Variants in PIK3C2A observed in about 807,000 individuals in gnomAD.
The protein encoded by PIK3C2A is phosphatidylinositol-4-phosphate 3-kinase catalytic subunit type 2 alpha.
In PIK3C2A, 97 loss-of-function variants were observed where a neutral mutation model predicts 204.5. The observed-to-expected ratio is 0.47, with a 90% CI of 0.40 to 0.56. PIK3C2A has a LOEUF of 0.56. Ranked by LOEUF, PIK3C2A falls within the 20% of genes least tolerant of loss-of-function variation. PIK3C2A has a pLI of 0.00. For synonymous variants in PIK3C2A, 653 were observed against 664.4 expected (o/e 0.98, Z 0.26); for missense variants, 1,735 against 1,969.2 (o/e 0.88, Z 2.25).
At chr11:17,151,807 T>C (rs1850434648) in intron 3 of PIK3C2A, among the ~76,000 whole-genome samples, 1 of 152,208 alleles carries the variant, frequency 6.6e-6, no homozygotes, top group South Asian at 2.1e-4. Flanking sequence ...GGAATAAATC[T>C]GGTTTTTGCA....
intron 11 of PIK3C2A, among the ~76,000 whole-genome samples, chr11:17,132,422 C>T (rs370371096): frequency 1.3e-5 from 2 of 149,320 alleles, no homozygotes; most frequent in Admixed American, 6.7e-5. Context: ...CTCTGCTTCC[C>T]GGGTTCACGC....
intron 19 of PIK3C2A, chr11:17,115,528 G>C (rs1362046430): frequency 7.4e-6 from 1 of 134,696 alleles, no homozygotes; most frequent in African/African-American, 2.8e-5. Context: ...GCAACAGAGA[G>C]ACCTCATCTC....
At chr11:17,095,411 TA>T (rs1225897360) in intron 27 of PIK3C2A, among the ~76,000 whole-genome samples, 50,186 of 110,146 alleles carry the variant, frequency 0.46, 9,705 homozygotes, top group Non-Finnish European at 0.49. Flanking sequence ...CTGTCTCTAC[TA>T]AAAAAAAAAA....
At chr11:17,130,335 GAC>G (rs760084566) in intron 12 of PIK3C2A, among the ~76,000 whole-genome samples, 57 of 152,212 alleles carry the variant, frequency 3.7e-4, no homozygotes, top group Non-Finnish European at 5.6e-4. Context: ...TGAAAATAGT[GAC>G]ACTTTCTACT....
At chr11:17,095,117 C>T (rs1388077762) in intron 27 of PIK3C2A, among the ~76,000 whole-genome samples, 1 of 151,946 alleles carries the variant, frequency 6.6e-6, no homozygotes, top group East Asian at 1.9e-4. Context: ...ACTGTGGTGG[C>T]ACATGCCTGT....
Position 17,168,951 on chromosome 11 carries a change from T to C in PIK3C2A, c.791A>G (p.Asp264Gly), listed in dbSNP as rs771017928. Reference protein sequence around the residue: ...SNLQVSPKSEDISKFDWLDLD... With the variant: ...SNLQVSPKSEGISKFDWLDLD... ...GTCTAACCAGTCAAATTTACTGATA[T>C]CCTCAGACTTTGGAGATACCTGTAG... The change falls in exon 2 of 33, where the codon GAT (aspartate) becomes GGT (glycine). Residue 264 changes from aspartate to glycine, a missense_variant. By Grantham distance (94) the Asp-to-Gly change is moderately conservative. Around this residue, in one of 6 missense-constraint regions of PIK3C2A, gnomAD observed 536 missense variants for 546.7 expected, o/e 0.98. Coordinates refer to ENST00000691414, the MANE Select transcript of PIK3C2A (RefSeq NM_002645.4). 1.9e-6 allele frequency: 3 copies of C among 1,614,150 alleles called. No homozygotes were observed. The highest frequency in any genetic ancestry group is 2.2e-5 in the East Asian group (1 of 44,882).
intron 4 of PIK3C2A, among the ~76,000 whole-genome samples, chr11:17,150,106 TTAAAA>T (rs1211512359): frequency 6.6e-6 from 1 of 152,122 alleles, no homozygotes; most frequent in Non-Finnish European, 1.5e-5. Context: ...GAAGAAAGGA[TTAAAA>T]TAAAAGAGAA....
rs144028575 is a variant in PIK3C2A, at chr11:17,121,803, G to A, written c.2657+385C>T. Among the ~76,000 whole-genome samples, 880 of 151,918 alleles carry A rather than the reference G, an allele frequency of 5.8e-3. 5 individuals carry two copies. Among genetic ancestry groups the A allele is most frequent in the African/African-American group, 0.02 (823 of 41,484 alleles). ...TTCCTACTTAGTCTCCTTGACTACT[G>A]AGTTCTTGGTCTTAATCTTATTAAT... On this transcript the variant is annotated intron_variant, in intron 15 of 32. Transcript: ENST00000691414.
At chr11:17,113,297 T>C (rs1486500338) in intron 20 of PIK3C2A, among the ~76,000 whole-genome samples, 1 of 152,132 alleles carries the variant, frequency 6.6e-6, no homozygotes, top group African/African-American at 2.4e-5. Flanking sequence ...AGCAAAAACT[T>C]GAGACACAAA....
rs1199074555 is a variant in PIK3C2A, at chr11:17,134,833, A to C, written c.2094T>G (p.Ser698Arg). 6.2e-7 allele frequency: 1 copy of C among 1,612,988 alleles called. No homozygotes were observed. The highest frequency in any genetic ancestry group is 1.1e-5 in the South Asian group (1 of 91,056). The change falls in exon 11 of 33, where the codon AGT becomes AGG. Residue 698 changes from serine to arginine, a missense_variant. By Grantham distance (110) the Ser-to-Arg change is moderately radical. Transcript: ENST00000691414. ...CAGTTACTTACTTTGATACCCAATT[A>C]CTTGAAATTCCATGAGCAGCAAAAA... The part of the protein sequence containing the change: ...FTIFAAHGIS[S>R]NWVSNYEKYY...
At chr11:17,106,092 G>A (rs1265512086) in intron 22 of PIK3C2A, among the ~76,000 whole-genome samples, 1 of 146,374 alleles carries the variant, frequency 6.8e-6, no homozygotes, top group East Asian at 2.0e-4. Flanking sequence ...CTGGGCAACA[G>A]AGCCAGACTC....
intron 12 of PIK3C2A, among the ~76,000 whole-genome samples, chr11:17,131,215 G>A (rs907067551): frequency 1.3e-5 from 2 of 152,022 alleles, no homozygotes; most frequent in African/African-American, 4.8e-5. Flanking sequence ...AACTTTTTTC[G>A]TTAAGTGTTG....
chr11:17,124,345 T>C (rs1242325169), intron 13 of PIK3C2A, among the ~76,000 whole-genome samples: 1 of 152,168 alleles, frequency 6.6e-6, no homozygotes, highest in Non-Finnish European at 1.5e-5. Flanking sequence ...GACCATAAAA[T>C]ATCTAGTCAC....
intron 1 of PIK3C2A, among the ~76,000 whole-genome samples, chr11:17,175,027 C>T (rs571052242): frequency 5.9e-4 from 90 of 152,370 alleles, no homozygotes; most frequent in African/African-American, 2.1e-3. Context: ...CTTGTTGCCA[C>T]ATCTGGTAAT....
chr11:17,114,089 A>AAATAAATAAATG (rs1291594106), intron 20 of PIK3C2A, among the ~76,000 whole-genome samples: 1 of 150,132 alleles, frequency 6.7e-6, no homozygotes, highest in Non-Finnish European at 1.5e-5. Context: ...AAAAATAAAT[A>AAATAAATAAATG]AATAAATAAA....
chr11:17,118,569 T>C (rs887923545), intron 18 of PIK3C2A, 76 bp downstream of exon 18: 11 of 718,768 alleles, frequency 1.5e-5, no homozygotes, highest in Admixed American at 2.3e-5. Context: ...TGGCATACCA[T>C]TTAGACTTAC....
rs1013899411 is a variant in PIK3C2A, at chr11:17,115,880, C to G, written c.3217-1415G>C. On this transcript the variant is annotated intron_variant, in intron 19 of 32. Coordinates refer to ENST00000691414, the MANE Select transcript of PIK3C2A (RefSeq NM_002645.4). ...CTCATTCAAAAGAATAAAGTTGGGC[C>G]TCTACTTCATACCACAACGGATCAA... 1.8e-4 allele frequency: 28 copies of G among 152,084 alleles called. 1 individual carries two copies. Among genetic ancestry groups the G allele is most frequent in the Admixed American group, 1.8e-3 (28 of 15,264 alleles). The allele number at this position is 152,084 out of a possible 1,614,324, so 9.4% of individuals were successfully genotyped here. A position where few individuals can be genotyped will look rare whatever the true frequency, so the allele number is the denominator to read the frequency against.
At chr11:17,119,639 A>C in intron 16 of PIK3C2A, 147 bp downstream of exon 16, 1 of 552,204 alleles carries the variant, frequency 1.8e-6, no homozygotes, top group South Asian at 3.1e-5. Flanking sequence ...ACTTCAATGC[A>C]GAAGATATGT....
chr11:17,159,078 C>G (rs936466964), intron 2 of PIK3C2A, among the ~76,000 whole-genome samples: 1 of 152,196 alleles, frequency 6.6e-6, no homozygotes, highest in Non-Finnish European at 1.5e-5. Context: ...ATTCCCTTCA[C>G]CCATACTCCC....
Sources: gnomAD v4.1 joint callset for allele counts (sites outside exome capture counted in the v4.1 genomes callset) on GRCh38, gnomAD v4.1.1 for gene constraint, gnomAD v4.1.1 regional missense constraint, MANE v1.5 for transcripts, NCBI Gene and HGNC (gene_info 2026-07-23, HGNC 2026-07-21) for gene names.